C14orf132: variants seen among roughly 807,000 people sequenced by gnomAD.
The protein encoded by C14orf132 is chromosome 14 open reading frame 132.
C14orf132 carries 6 observed loss-of-function variants against 5.8 expected under a neutral mutation model. The ratio of observed to expected loss-of-function variants is 1.03; its 90% CI spans 0.57 to 2.04. The LOEUF is 2.04. C14orf132 is among the 30% of genes most tolerant of loss of function. C14orf132 has a pLI of 0.00. For missense variants in C14orf132, 125 were observed against 115.8 expected (o/e 1.08, Z -0.37); for synonymous variants, 51 against 49.8 (o/e 1.02, Z -0.10).
In C14orf132 at chr14:96,086,780, G is replaced by A. The variant is rs114007680; in HGVS notation, c.*45G>A. 7.3e-4 allele frequency: 1,095 copies of A among 1,508,280 alleles called. 12 individuals carry two copies. In the African/African-American group the frequency reaches 0.014, roughly 19 times the overall value. The allele number at this position is 1,508,280 out of a possible 1,614,324, so 93.4% of individuals were successfully genotyped here. A position where few individuals can be genotyped will look rare whatever the true frequency, so the allele number is the denominator to read the frequency against. On this transcript the variant is annotated 3_prime_UTR_variant, in exon 2 of 2. Transcript: ENST00000555004. ...ACCATGGGGTGAGGCTTGGCACGTAGCTCTGACTTGCTGTCGGCCTTTGGC... is the reference window on the plus strand; with the variant it reads ...ACCATGGGGTGAGGCTTGGCACGTAACTCTGACTTGCTGTCGGCCTTTGGC...
intron 1 of C14orf132, among the ~76,000 whole-genome samples, chr14:96,074,544 A>G (rs897837176): frequency 1.2e-5 from 1 of 83,050 alleles, no homozygotes; most frequent in Non-Finnish European, 2.5e-5. Context: ...TGTATAAGGC[A>G]TGAGTTTTTT....
intron 1 of C14orf132, among the ~76,000 whole-genome samples, chr14:96,077,183 C>T (rs1207634160): frequency 6.6e-6 from 1 of 152,152 alleles, no homozygotes; most frequent in East Asian, 1.9e-4. Flanking sequence ...ACATTCAGGT[C>T]TTCTGTGTCC....
intron 1 of C14orf132, among the ~76,000 whole-genome samples, chr14:96,057,875 G>A (rs887369345): frequency 3.3e-5 from 5 of 152,136 alleles, no homozygotes; most frequent in Admixed American, 1.3e-4. Context: ...ATTCCTTCAC[G>A]TCTCTTGGTT....
At chr14:96,073,927 T>G (rs142473828) in intron 1 of C14orf132, among the ~76,000 whole-genome samples, 2,758 of 152,252 alleles carry the variant, frequency 0.018, 52 homozygotes, top group South Asian at 0.036. Flanking sequence ...CTCAGCAAAC[T>G]AACACAGAAA....
intron 1 of C14orf132, among the ~76,000 whole-genome samples, chr14:96,084,920 G>A (rs1441927290): frequency 6.6e-6 from 1 of 152,218 alleles, no homozygotes; most frequent in Non-Finnish European, 1.5e-5. Flanking sequence ...TTTAAGAGGA[G>A]GCCACTGAGA....
In C14orf132 at chr14:96,087,607, G is replaced by A. The variant is rs1888238498; in HGVS notation, c.*872G>A. On this transcript the variant is annotated 3_prime_UTR_variant, in exon 2 of 2. Transcript: ENST00000555004. The stretch of plus-strand genomic sequence containing the variant: ...ACCAGGCAGGTTTGTGGAGGAGTCG[G>A]AACAGAAAGATGTGTCCTCACTCTC... 6.6e-6 allele frequency: 1 copy of A among 152,152 alleles called. No individual in the cohort carries two copies. The highest frequency in any genetic ancestry group is 1.9e-4 in the East Asian group (1 of 5,190). 9.4% of individuals were successfully genotyped at this position (152,152 alleles called of 1,614,324 possible).
Position 96,071,302 on chromosome 14 carries a change from G to T in C14orf132, c.28-15209G>T, listed in dbSNP as rs373304859. Among the ~76,000 whole-genome samples the T allele has an allele frequency of 2.4e-4, 37 of 152,236 alleles. 1 individual carries two copies. The South Asian group carries it at 7.7e-3, about 32-fold the overall frequency. ...GCAGCATGGGGGTAACTGCCCCCGTGATCCAATTACCCCCCACCAGGTCCC... is the reference window on the plus strand; with the variant it reads ...GCAGCATGGGGGTAACTGCCCCCGTTATCCAATTACCCCCCACCAGGTCCC... On this transcript the variant is annotated intron_variant, in intron 1 of 1. Coordinates refer to ENST00000555004, the MANE Select transcript of C14orf132 (RefSeq NM_001252507.3).
intron 1 of C14orf132, among the ~76,000 whole-genome samples, chr14:96,069,370 C>A (rs1197155065): frequency 6.7e-6 from 1 of 148,666 alleles, no homozygotes; most frequent in Non-Finnish European, 1.5e-5. Flanking sequence ...CTATTGATTT[C>A]TATAATCCTG....
intron 1 of C14orf132, among the ~76,000 whole-genome samples, chr14:96,057,419 G>T (rs975447529): frequency 1.3e-5 from 2 of 152,206 alleles, no homozygotes; most frequent in Non-Finnish European, 2.9e-5. Flanking sequence ...ATTCTATTGT[G>T]TATAAATTGC....
chr14:96,069,000 T>C (rs533889770), intron 1 of C14orf132, among the ~76,000 whole-genome samples: 2 of 152,002 alleles, frequency 1.3e-5, no homozygotes, highest in South Asian at 4.2e-4. Flanking sequence ...ATTGGTCTTC[T>C]GCTCTCGGAT....
At chr14:96,053,097 C>T (rs1385806696) in intron 1 of C14orf132, among the ~76,000 whole-genome samples, 1 of 152,168 alleles carries the variant, frequency 6.6e-6, no homozygotes, top group South Asian at 2.1e-4. Context: ...ACTGGGATGG[C>T]TGGTCACCCT....
At chr14:96,051,825 G>T (rs1767321205) in intron 1 of C14orf132, among the ~76,000 whole-genome samples, 1 of 152,214 alleles carries the variant, frequency 6.6e-6, no homozygotes, top group Non-Finnish European at 1.5e-5. Context: ...AAGCCAGAAA[G>T]AAGTGATTGC....
chr14:96,063,452 G>A (rs894045516), intron 1 of C14orf132, among the ~76,000 whole-genome samples: 1 of 152,082 alleles, frequency 6.6e-6, no homozygotes, highest in African/African-American at 2.4e-5. Context: ...GAGACTACAG[G>A]CAAACGCCAC....
At chr14:96,079,163 A>G (rs1887960887) in intron 1 of C14orf132, among the ~76,000 whole-genome samples, 1 of 152,152 alleles carries the variant, frequency 6.6e-6, no homozygotes, top group Non-Finnish European at 1.5e-5. Context: ...ACTTACAATG[A>G]CAGTTCACGA....
Position 96,039,545 on chromosome 14 carries a change from C to G in C14orf132, c.27+18C>G, listed in dbSNP as rs1161058553. 4 of 1,499,702 alleles carry G rather than the reference C, an allele frequency of 2.7e-6. No homozygotes were observed. The highest frequency in any genetic ancestry group is 1.2e-5 in the South Asian group (1 of 80,350). 92.9% of individuals were successfully genotyped at this position (1,499,702 alleles called of 1,614,324 possible). A position where few individuals can be genotyped will look rare whatever the true frequency, so the allele number is the denominator to read the frequency against. ...CCGCGCAGGTAACGGGGCGTCCCCC[C>G]CACGCGCCCCGGGCCGCCAAGTTTG... On this transcript the variant is annotated intron_variant, in intron 1 of 1. Coordinates refer to ENST00000555004, the MANE Select transcript of C14orf132 (RefSeq NM_001252507.3). This position sits in a 1 kb window ranked among gnomAD's most constrained non-coding sequence, Gnocchi z 5.3.
chr14:96,078,209 C>T (rs1040403873), intron 1 of C14orf132, among the ~76,000 whole-genome samples: 2 of 152,234 alleles, frequency 1.3e-5, no homozygotes, highest in African/African-American at 4.8e-5. Flanking sequence ...CTCTGGCCAG[C>T]GGAACTGTCA....
At chr14:96,082,585 A>G (rs1250919268) in intron 1 of C14orf132, among the ~76,000 whole-genome samples, 1 of 152,192 alleles carries the variant, frequency 6.6e-6, no homozygotes, top group East Asian at 1.9e-4. Context: ...GCTTTGGAGC[A>G]CCTCTCAGCC....
Position 96,091,912 on chromosome 14 carries a change from G to A in C14orf132, c.*5177G>A, listed in dbSNP as rs552014234. ...ATCACAGCACCTTCTCATTCCCAGC[G>A]CGTCCTTCTGAGCTCAGACCTTGAG... On this transcript the variant is annotated 3_prime_UTR_variant, in exon 2 of 2. Transcript: ENST00000555004. The A allele has an allele frequency of 1.5e-4, 23 of 152,340 alleles. No individual in the cohort carries two copies. The highest frequency in any genetic ancestry group is 5.3e-4 in the African/African-American group (22 of 41,574). 9.4% of individuals were successfully genotyped at this position (152,340 alleles called of 1,614,324 possible).
rs1058102 is a variant in C14orf132, at chr14:96,091,898, T to C, written c.*5163T>C. On this transcript the variant is annotated 3_prime_UTR_variant, in exon 2 of 2. Coordinates refer to ENST00000555004, the MANE Select transcript of C14orf132 (RefSeq NM_001252507.3). ...GGATAACCAGAATTATCACAGCACCTTCTCATTCCCAGCGCGTCCTTCTGA... is the reference window on the plus strand; with the variant it reads ...GGATAACCAGAATTATCACAGCACCCTCTCATTCCCAGCGCGTCCTTCTGA... 0.45 allele frequency: 68,835 copies of C among 152,058 alleles called. 15,719 individuals are homozygous for C. The highest frequency in any genetic ancestry group is 0.55 in the Admixed American group (8,356 of 15,280). The allele number at this position is 152,058 out of a possible 1,614,324, so 9.4% of individuals were successfully genotyped here.
Sources: allele counts gnomAD v4.1 joint callset (sites outside exome capture counted in the v4.1 genomes callset), GRCh38; gene constraint gnomAD v4.1.1; non-coding constraint Gnocchi (gnomAD v3.1); transcripts MANE v1.5; gene names NCBI Gene and HGNC (gene_info 2026-07-23, HGNC 2026-07-21).